The following GOLGA4 variants were observed in gnomAD, a reference collection of about 807,000 sequenced individuals.
GOLGA4 encodes golgin subfamily A member 4.
A neutral mutation model predicts 265.9 loss-of-function variants in GOLGA4; 169 were observed. That is an observed-to-expected ratio of 0.64 (90% CI 0.56 to 0.72). The LOEUF is 0.72. GOLGA4 is among the 30% of genes least tolerant of loss of function. The pLI, the probability that GOLGA4 is intolerant of heterozygous loss-of-function variation, is 0.00. For synonymous variants in GOLGA4, 923 were observed against 855.8 expected (o/e 1.08, Z -1.37); for missense variants, 2,482 against 2,483.4 (o/e 1.00, Z 0.01).
At chr3:37,303,014 T>G (rs1419909418) in intron 10 of GOLGA4, among the ~76,000 whole-genome samples, 3 of 152,198 alleles carry the variant, frequency 2.0e-5, no homozygotes, top group Admixed American at 2.0e-4. Flanking sequence ...ATCAATAGAA[T>G]GGGCCTAACA....
Position 37,319,326 on chromosome 3 carries a change from TAGAG to T in GOLGA4, c.1545+135_1545+138del, listed in dbSNP as rs1183986352. On this transcript the variant is annotated intron_variant, in intron 12 of 23. Transcript: ENST00000361924. Reference sequence around the variant, plus strand: ...TTGACGTTTGGGTATAAAGAGAGGATAGAGAGTAGGCAAGCTGTCAGAGCTTATT... The same window carrying T: ...TTGACGTTTGGGTATAAAGAGAGGATAGTAGGCAAGCTGTCAGAGCTTATT... The T allele has an allele frequency of 9.6e-6, 6 of 626,682 alleles. No homozygotes were observed. In the Admixed American group the frequency reaches 1.6e-4, roughly 17 times the overall value. 38.8% of individuals were successfully genotyped at this position (626,682 alleles called of 1,614,324 possible).
rs539684648 is a variant in GOLGA4 at position 37,268,461 on chromosome 3, C to A, written c.163-13497C>A. On this transcript the variant is annotated intron_variant, in intron 2 of 23. Coordinates refer to ENST00000361924, the MANE Select transcript of GOLGA4 (RefSeq NM_002078.5). The stretch of plus-strand genomic sequence containing the variant: ...GTAATAGAAGCTATTAAAAAAAAAA[C>A]CGTAAAGGTTCTCCTAGGGCCACTT... 3.6e-3 allele frequency among the ~76,000 whole-genome samples: 541 copies of A among 151,810 alleles called. 1 individual carries two copies. The highest frequency in any genetic ancestry group is 5.9e-3 in the Non-Finnish European group (400 of 67,912).
intron 22 of GOLGA4, among the ~76,000 whole-genome samples, chr3:37,358,556 C>T (rs1053220489): frequency 2.0e-5 from 3 of 152,180 alleles, no homozygotes; most frequent in Non-Finnish European, 4.4e-5. Flanking sequence ...AGGCAATTCT[C>T]AGAGCCTCTT....
chr3:37,275,993 C>A lies in GOLGA4; in HGVS notation c.163-5965C>A, dbSNP rs1049309839. 43 of 1,613,256 alleles carry A rather than the reference C, an allele frequency of 2.7e-5. No individual in the cohort carries two copies. The Admixed American group carries it at 4.8e-4, about 18-fold the overall frequency. On this transcript the variant is annotated intron_variant, in intron 2 of 23. Transcript: ENST00000361924. ...ACCTGCAATTACATCGCAGAACAGC[C>A]CTGAGGCAAGAGAAGAAAGTACTTC...
At chr3:37,243,681 A>T (rs1452946811) in intron 1 of GOLGA4, 59 bp downstream of exon 1, 4 of 1,394,562 alleles carry the variant, frequency 2.9e-6, no homozygotes, top group Middle Eastern at 2.0e-4. Context: ...CGGCCCGCGG[A>T]CGAAAGAGGC....
chr3:37,319,208 T>A lies in GOLGA4; in HGVS notation c.1545+14T>A, dbSNP rs758998287. 4 of 1,584,832 alleles carry A rather than the reference T, an allele frequency of 2.5e-6. No homozygotes were observed. The highest frequency in any genetic ancestry group is 3.4e-6 in the Non-Finnish European group (4 of 1,168,078). On this transcript the variant is annotated intron_variant, in intron 12 of 23. Transcript: ENST00000361924. ...AAAGTAGCTCTTGTAAGTGACTATT[T>A]TTTTTTTTCTGCTATAGGTATACTT...
At position 37,243,511 on chromosome 3, in the gene GOLGA4, C is replaced by T; in HGVS notation, c.-40C>T. The stretch of plus-strand genomic sequence containing the variant: ...CGGGACTCCCCGGGCTCTCGCCCTT[C>T]AGGTTTCGTTGACACTCAGGACCGT... On this transcript the variant is annotated 5_prime_UTR_variant, in exon 1 of 24. Transcript: ENST00000361924. 6.3e-7 allele frequency: 1 copy of T among 1,590,284 alleles called. No homozygotes were observed. The highest frequency in any genetic ancestry group is 8.6e-7 in the Non-Finnish European group (1 of 1,158,314).
intron 9 of GOLGA4, among the ~76,000 whole-genome samples, chr3:37,300,928 G>T (rs899776309): frequency 1.3e-5 from 2 of 151,942 alleles, no homozygotes; most frequent in Non-Finnish European, 2.9e-5. Flanking sequence ...TAATTTACTG[G>T]TTTGATTATC....
chr3:37,243,499 G>A lies in GOLGA4; in HGVS notation c.-52G>A. On this transcript the variant is annotated 5_prime_UTR_variant, in exon 1 of 24. Transcript: ENST00000361924. ...AGCCGTCGCGGCCGGGACTCCCCGG[G>A]CTCTCGCCCTTCAGGTTTCGTTGAC... The A allele has an allele frequency of 6.5e-7, 1 of 1,537,636 alleles. No individual in the cohort carries two copies. Among genetic ancestry groups the A allele is most frequent in the Non-Finnish European group, 9.0e-7 (1 of 1,110,500 alleles).
chr3:37,281,180 A>G (rs2096833697), intron 2 of GOLGA4, among the ~76,000 whole-genome samples: 1 of 152,202 alleles, frequency 6.6e-6, no homozygotes, highest in South Asian at 2.1e-4. Flanking sequence ...CATTGTGACT[A>G]AATTAATTTG....
intron 4 of GOLGA4, chr3:37,287,651 A>C (rs1262473887): frequency 6.6e-6 from 1 of 152,244 alleles, no homozygotes; most frequent in Non-Finnish European, 1.5e-5. Context: ...TAGCAGTTAG[A>C]CTGCAGAGCA....
At chr3:37,348,310 G>T (rs1371890745) in intron 21 of GOLGA4, among the ~76,000 whole-genome samples, 1 of 152,128 alleles carries the variant, frequency 6.6e-6, no homozygotes, top group Non-Finnish European at 1.5e-5. Context: ...AATATCTGTA[G>T]AAATCACATT....
At chr3:37,299,537 T>A (rs2096887345) in intron 9 of GOLGA4, among the ~76,000 whole-genome samples, 166 bp downstream of exon 9, 1 of 152,202 alleles carries the variant, frequency 6.6e-6, no homozygotes. Context: ...TAGCATTAGT[T>A]TTGTGTCATG....
chr3:37,319,950 G>GA (rs1477178169), intron 12 of GOLGA4: 1 of 152,094 alleles, frequency 6.6e-6, no homozygotes, highest in Non-Finnish European at 1.5e-5. Flanking sequence ...GAAGAATGTC[G>GA]AAAATCTCAT....
intron 1 of GOLGA4, 158 bp downstream of exon 1, chr3:37,243,780 C>T (rs1428098881): frequency 1.6e-5 from 10 of 620,092 alleles, no homozygotes; most frequent in Non-Finnish European, 2.9e-5. Context: ...CCGGGCGGTG[C>T]AGGTCGTCCG....
At chr3:37,341,451 A>G (rs569889898) in intron 20 of GOLGA4, among the ~76,000 whole-genome samples, 6 of 152,338 alleles carry the variant, frequency 3.9e-5, no homozygotes, top group Non-Finnish European at 5.9e-5. Flanking sequence ...CATTACTATC[A>G]AATAATGTAA....
intron 10 of GOLGA4, chr3:37,313,547 T>G (rs1262671722): frequency 2.0e-5 from 3 of 152,204 alleles, no homozygotes; most frequent in Non-Finnish European, 4.4e-5. Flanking sequence ...TCTTGAAAAC[T>G]GAGTTTTGTT....
At chr3:37,281,859 A>G (rs1173328821) in intron 2 of GOLGA4, 99 bp from the exon 3 acceptor site, 1 of 837,340 alleles carries the variant, frequency 1.2e-6, no homozygotes, top group African/African-American at 1.7e-5. Context: ...TATAAATTCA[A>G]CTTGTTAGAA....
At chr3:37,354,756 G>A (rs1470991941) in intron 21 of GOLGA4, among the ~76,000 whole-genome samples, 1 of 151,794 alleles carries the variant, frequency 6.6e-6, no homozygotes, top group Non-Finnish European at 1.5e-5. Context: ...ATATGTTTTG[G>A]CAATACATCA....
Sources: allele counts gnomAD v4.1 joint callset (sites outside exome capture counted in the v4.1 genomes callset), GRCh38; gene constraint gnomAD v4.1.1; transcripts MANE v1.5; gene names NCBI Gene and HGNC (gene_info 2026-07-23, HGNC 2026-07-21).